The following SGCZ variants were observed in gnomAD, a reference collection of about 807,000 sequenced individuals.
SGCZ encodes sarcoglycan zeta.
Under a neutral mutation model 41.3 loss-of-function variants are expected in SGCZ, and 40 were observed. The ratio of observed to expected loss-of-function variants is 0.97; its 90% CI spans 0.75 to 1.26. SGCZ has a LOEUF of 1.26. Ranked by LOEUF, SGCZ falls within the 50% of genes most tolerant of loss-of-function variation. The pLI is 0.00. For synonymous variants in SGCZ, 206 were observed against 137.5 expected (o/e 1.50, Z -3.49); for missense variants, 552 against 369.8 (o/e 1.49, Z -4.04).
intron 1 of SGCZ, among the ~76,000 whole-genome samples, chr8:14,771,121 T>C (rs1800222804): frequency 6.6e-6 from 1 of 152,156 alleles, no homozygotes; most frequent in Non-Finnish European, 1.5e-5. Flanking sequence ...AGGATTTGGG[T>C]AAATAAGGAT....
At position 14,299,345 on chromosome 8, in the gene SGCZ, AC is replaced by A. The variant is rs561634196; in HGVS notation, c.336+24757del. On this transcript the variant is annotated intron_variant, in intron 3 of 7. Transcript: ENST00000382080. ...ACTTTATTAAAACCTCTGCTCAAAA[AC>A]AAACATTATTAGATAAATGAATAGA... Among the ~76,000 whole-genome samples the A allele has an allele frequency of 3.3e-4, 50 of 152,134 alleles. 1 individual carries two copies. The South Asian group carries it at 0.01, about 32-fold the overall frequency.
At chr8:15,223,388 C>T (rs557487147) in intron 1 of SGCZ, among the ~76,000 whole-genome samples, 1 of 152,242 alleles carries the variant, frequency 6.6e-6, no homozygotes, top group East Asian at 1.9e-4. Context: ...GAACATTCTC[C>T]CACCTCACAC....
At chr8:14,784,902 C>CTAAAAAAAAAAAAAAAA (rs1800706832) in intron 1 of SGCZ, among the ~76,000 whole-genome samples, 1 of 39,586 alleles carries the variant, frequency 2.5e-5, no homozygotes, top group Non-Finnish European at 4.1e-5. Context: ...AACTCTGCCT[C>CTAAAAAAAAAAAAAAAA]AAAAAAAAAA....
intron 1 of SGCZ, among the ~76,000 whole-genome samples, chr8:15,073,850 AACTAACT>A (rs1176911073): frequency 1.3e-5 from 2 of 152,178 alleles, no homozygotes; most frequent in African/African-American, 4.8e-5. Flanking sequence ...TGCCTAGCAT[AACTAACT>A]ACATATTGCT....
chr8:14,347,669 A>C (rs1221766869), intron 2 of SGCZ, among the ~76,000 whole-genome samples: 1 of 151,792 alleles, frequency 6.6e-6, no homozygotes, highest in East Asian at 1.9e-4. Context: ...GATTAAATAA[A>C]ATTATTTTCA....
chr8:14,664,495 G>C (rs1807845963), intron 1 of SGCZ, among the ~76,000 whole-genome samples: 1 of 152,230 alleles, frequency 6.6e-6, no homozygotes, highest in South Asian at 2.1e-4. Context: ...AATAGAAAAA[G>C]ATATGTGATA....
intron 3 of SGCZ, among the ~76,000 whole-genome samples, chr8:14,297,080 C>A (rs964244571): frequency 2.0e-5 from 3 of 152,052 alleles, no homozygotes; most frequent in Non-Finnish European, 4.4e-5. Context: ...CACCAGCATG[C>A]CCAGCTAATT....
intron 1 of SGCZ, among the ~76,000 whole-genome samples, chr8:14,991,178 T>C (rs1182758820): frequency 1.3e-5 from 2 of 152,204 alleles, no homozygotes; most frequent in African/African-American, 4.8e-5. Context: ...TGTATGTGTA[T>C]GATTTTCAGA....
At chr8:14,358,125 T>C (rs1429786085) in intron 2 of SGCZ, among the ~76,000 whole-genome samples, 1 of 152,164 alleles carries the variant, frequency 6.6e-6, no homozygotes, top group Non-Finnish European at 1.5e-5. Context: ...CCTTATGTAT[T>C]TGTGTGTTTG....
intron 1 of SGCZ, among the ~76,000 whole-genome samples, chr8:15,132,788 C>A (rs2116977271): frequency 6.6e-6 from 1 of 152,254 alleles, no homozygotes; most frequent in East Asian, 1.9e-4. Flanking sequence ...CTCTCTTTCT[C>A]ATTTGAGAGC....
chr8:14,292,782 C>T (rs1800884382), intron 3 of SGCZ, among the ~76,000 whole-genome samples: 1 of 151,844 alleles, frequency 6.6e-6, no homozygotes, highest in Admixed American at 6.6e-5. Flanking sequence ...ACACCAATAT[C>T]ACTAGGCTTT....
intron 4 of SGCZ, among the ~76,000 whole-genome samples, chr8:14,222,792 A>ATTTTTTTTTTTTTTTTTTTTTTT (rs775444301): frequency 2.0e-5 from 1 of 48,854 alleles, no homozygotes; most frequent in African/African-American, 9.1e-5. Context: ...AGTCACAGTG[A>ATTTTTTTTTTTTTTTTTTTTTTT]TTTTTTTTTT....
chr8:14,118,665 G>A (rs1239010054), intron 5 of SGCZ, among the ~76,000 whole-genome samples: 1 of 152,074 alleles, frequency 6.6e-6, no homozygotes, highest in Non-Finnish European at 1.5e-5. Context: ...GTATTGCCTA[G>A]GTTTTCTTCC....
intron 3 of SGCZ, among the ~76,000 whole-genome samples, chr8:14,251,063 A>G (rs1799266369): frequency 6.6e-6 from 1 of 152,116 alleles, no homozygotes; most frequent in Admixed American, 6.5e-5. Context: ...CCCCGTCTCT[A>G]CTTAAAGTAC....
intron 1 of SGCZ, among the ~76,000 whole-genome samples, chr8:15,232,887 T>C (rs1802000196): frequency 6.6e-6 from 1 of 151,284 alleles, no homozygotes; most frequent in African/African-American, 2.4e-5. Context: ...ATTAATATAG[T>C]AATTAGCTTC....
rs151236648 is a variant in SGCZ, at chr8:14,678,995, C to T, written c.40-124069G>A. Among the ~76,000 whole-genome samples, 270 of 152,234 alleles carry T rather than the reference C, an allele frequency of 1.8e-3. 2 individuals are homozygous for T. The South Asian group carries it at 0.021, about 12-fold the overall frequency. ...ACATTTCAGTCAAGGACAGACAGCA[C>T]GTATGATAGTTGCCTGTCCTATCAT... On this transcript the variant is annotated intron_variant, in intron 1 of 7. Transcript: ENST00000382080.
At chr8:14,205,150 A>C (rs1387408568) in intron 4 of SGCZ, among the ~76,000 whole-genome samples, 2 of 141,288 alleles carry the variant, frequency 1.4e-5, no homozygotes, top group East Asian at 4.3e-4. Context: ...GACTACACAC[A>C]AAAGTGGTAT....
At chr8:14,250,002 C>G (rs1033923652) in intron 3 of SGCZ, among the ~76,000 whole-genome samples, 6 of 152,172 alleles carry the variant, frequency 3.9e-5, no homozygotes, top group African/African-American at 1.4e-4. Flanking sequence ...CCAGTGCTTA[C>G]AAATCAATAA....
At chr8:14,565,295 T>G (rs776519222) in intron 1 of SGCZ, among the ~76,000 whole-genome samples, 4 of 152,050 alleles carry the variant, frequency 2.6e-5, no homozygotes, top group African/African-American at 9.7e-5. Flanking sequence ...AGTATTTCAT[T>G]GGATGAAAAT....
Sources: gnomAD v4.1 joint callset for allele counts (sites outside exome capture counted in the v4.1 genomes callset) on GRCh38, gnomAD v4.1.1 for gene constraint, MANE v1.5 for transcripts, NCBI Gene and HGNC (gene_info 2026-07-23, HGNC 2026-07-21) for gene names.